CALN1: variants seen among roughly 807,000 people sequenced by gnomAD.
CALN1 encodes the protein calneuron 1, also known as calcium-binding protein 8.
A neutral mutation model predicts 30.6 loss-of-function variants in CALN1; 17 were observed. The ratio of observed to expected loss-of-function variants is 0.56; its 90% CI spans 0.38 to 0.83. The LOEUF (loss-of-function observed/expected upper bound fraction) is 0.83, where lower values mean the gene tolerates loss of function less well. Among genes scored for constraint, CALN1 ranks in the 40% least tolerant of loss-of-function variants. CALN1 has a pLI of 0.00. For synonymous variants in CALN1, 156 were observed against 131.4 expected, an observed-to-expected ratio of 1.19 and a Z score of -1.28; for missense variants, 291 against 354.9, an observed-to-expected ratio of 0.82 and a Z score of 1.45.
At chr7:72,217,535 C>CT (rs1792921039) in intron 3 of CALN1, among the ~76,000 whole-genome samples, 1 of 152,122 alleles carries the variant, frequency 6.6e-6, no homozygotes, top group Non-Finnish European at 1.5e-5. Context: ...ACTGAAGACA[C>CT]TAAGTCGTGC....
intron 3 of CALN1, among the ~76,000 whole-genome samples, chr7:72,250,140 G>A (rs1795455367): frequency 6.6e-6 from 1 of 152,074 alleles, no homozygotes; most frequent in South Asian, 2.1e-4. Flanking sequence ...AAAATTATCT[G>A]AAAAATTCTA....
intron 5 of CALN1, among the ~76,000 whole-genome samples, chr7:72,010,852 A>C (rs1800035388): frequency 6.6e-6 from 1 of 151,286 alleles, no homozygotes; most frequent in South Asian, 2.1e-4. Context: ...AAAGAAAAGA[A>C]AAGGAAAGGA....
At chr7:72,342,613 A>T (rs767977043) in intron 2 of CALN1, among the ~76,000 whole-genome samples, 2 of 152,200 alleles carry the variant, frequency 1.3e-5, no homozygotes, top group Non-Finnish European at 2.9e-5. Flanking sequence ...TCCAGGAAAC[A>T]GTGAGGAGTC....
intron 4 of CALN1, among the ~76,000 whole-genome samples, chr7:72,039,096 T>C (rs1287978653): frequency 6.6e-6 from 1 of 152,246 alleles, no homozygotes; most frequent in Non-Finnish European, 1.5e-5. Flanking sequence ...TGAGCCACCC[T>C]GCCTAACCTT....
chr7:71,938,239 AG>A (rs1471033833), intron 5 of CALN1, among the ~76,000 whole-genome samples: 2 of 152,202 alleles, frequency 1.3e-5, no homozygotes, highest in Non-Finnish European at 2.9e-5. Context: ...AAAGACAGTG[AG>A]AAAGTTGTGA....
intron 4 of CALN1, among the ~76,000 whole-genome samples, chr7:72,071,186 A>T (rs1484254522): frequency 6.6e-6 from 1 of 152,154 alleles, no homozygotes; most frequent in Non-Finnish European, 1.5e-5. Context: ...GGAGATGTGC[A>T]CATGTTCCTG....
chr7:72,480,472 TATC>T, the CALN1 span, among the ~76,000 whole-genome samples: 1 of 152,204 alleles, frequency 6.6e-6, no homozygotes, highest in Non-Finnish European at 1.5e-5. Context: ...CCTTTTTTCT[TATC>T]ATGTGTTTGC....
chr7:72,486,663 G>C, the CALN1 span, among the ~76,000 whole-genome samples: 1 of 151,760 alleles, frequency 6.6e-6, no homozygotes, highest in African/African-American at 2.4e-5. Context: ...GTGAGCCACC[G>C]AGCCCAGCCA....
chr7:71,849,953 G>A (rs1034551796), intron 5 of CALN1, among the ~76,000 whole-genome samples: 28 of 152,124 alleles, frequency 1.8e-4, no homozygotes, highest in Non-Finnish European at 2.9e-4. Flanking sequence ...ACTTTTAAAG[G>A]TGATATGACA....
At chr7:72,200,854 C>T (rs1585148880) in intron 3 of CALN1, among the ~76,000 whole-genome samples, 1 of 152,164 alleles carries the variant, frequency 6.6e-6, no homozygotes, top group East Asian at 1.9e-4. Context: ...TTGTTTCTCC[C>T]TGAGGAAAGC....
intron 5 of CALN1, among the ~76,000 whole-genome samples, chr7:71,850,247 G>T (rs1790559078): frequency 6.6e-6 from 1 of 151,972 alleles, no homozygotes; most frequent in East Asian, 1.9e-4. Context: ...ATGGAGTCTT[G>T]GTCTGTCACC....
chr7:72,144,611 C>T (rs1317298716), intron 3 of CALN1, among the ~76,000 whole-genome samples: 2 of 152,184 alleles, frequency 1.3e-5, no homozygotes, highest in Middle Eastern at 3.2e-3. Context: ...CTCAGCTCTG[C>T]ACCAAACAGA....
chr7:72,210,904 A>C (rs943086720), intron 3 of CALN1, among the ~76,000 whole-genome samples: 1 of 151,836 alleles, frequency 6.6e-6, no homozygotes, highest in Non-Finnish European at 1.5e-5. Flanking sequence ...ATTAAAAAAA[A>C]AATTAGCTGG....
chr7:72,443,492 A>G (rs1482635990), intron 1 of CALN1, among the ~76,000 whole-genome samples: 3 of 152,154 alleles, frequency 2.0e-5, no homozygotes, highest in East Asian at 1.9e-4. Context: ...TGCCTCCCAT[A>G]ATGGTCAGAC....
chr7:72,144,176 C>A (rs2129543679), intron 3 of CALN1, among the ~76,000 whole-genome samples: 1 of 152,228 alleles, frequency 6.6e-6, no homozygotes, highest in South Asian at 2.1e-4. Context: ...AAGACACAGA[C>A]TGGCAAATTG....
chr7:72,191,801 G>T (rs534762345), intron 3 of CALN1, among the ~76,000 whole-genome samples: 1 of 152,190 alleles, frequency 6.6e-6, no homozygotes, highest in East Asian at 1.9e-4. Context: ...TCATTATCTG[G>T]CTTTTCTAGA....
At chr7:72,031,316 C>G (rs887837585) in intron 4 of CALN1, among the ~76,000 whole-genome samples, 31 of 152,266 alleles carry the variant, frequency 2.0e-4, no homozygotes, top group Non-Finnish European at 3.2e-4. Context: ...CCACCAGAGG[C>G]CATTCTTCAT....
chr7:72,056,672 G>A (rs1032218427), intron 4 of CALN1, among the ~76,000 whole-genome samples: 13 of 152,066 alleles, frequency 8.5e-5, no homozygotes, highest in Admixed American at 8.5e-4. Context: ...AAAAACATCA[G>A]GGACTAAATT....
Position 72,193,169 on chromosome 7 carries a change from CAG to C in CALN1, c.244+85515_244+85516del, listed in dbSNP as rs548389028. Among the ~76,000 whole-genome samples, 347 of 148,010 alleles carry C rather than the reference CAG, an allele frequency of 2.3e-3. 1 individual carries two copies. The highest frequency in any genetic ancestry group is 2.4e-3 in the Non-Finnish European group (161 of 66,840). On this transcript the variant is annotated intron_variant, in intron 3 of 6. Transcript: ENST00000395275. ...TGCCACTACACTCTAGCCTGGGTGA[CAG>C]AGTGAGACTCCATCTCAAAAAAAAA...
Sources: allele counts gnomAD v4.1 joint callset (sites outside exome capture counted in the v4.1 genomes callset), GRCh38; gene constraint gnomAD v4.1.1; transcripts MANE v1.5; gene names NCBI Gene and HGNC (gene_info 2026-07-23, HGNC 2026-07-21).